Variants in ZRANB3 observed in about 807,000 individuals in gnomAD.
ZRANB3 encodes the protein zinc finger RANBP2-type containing 3.
Under a neutral mutation model 133.8 loss-of-function variants are expected in ZRANB3, and 125 were observed. The ratio of observed to expected loss-of-function variants is 0.93; its 90% CI spans 0.81 to 1.08. The LOEUF is 1.08. ZRANB3 is among the 50% of genes least tolerant of loss of function. ZRANB3 has a pLI of 0.00. For missense variants in ZRANB3, 1,229 were observed against 1,275.5 expected (o/e 0.96, Z 0.56); for synonymous variants, 387 against 432.7 (o/e 0.89, Z 1.31).
chr2:135,381,718 G>A (rs1453363321), intron 3 of ZRANB3, among the ~76,000 whole-genome samples: 2 of 152,154 alleles, frequency 1.3e-5, no homozygotes, highest in African/African-American at 4.8e-5. Flanking sequence ...CTCCGCTGGT[G>A]ATACCCAGGA....
chr2:135,498,638 C>T (rs957619677), intron 2 of ZRANB3, among the ~76,000 whole-genome samples: 4 of 152,172 alleles, frequency 2.6e-5, no homozygotes, highest in African/African-American at 7.2e-5. Flanking sequence ...AGAGCCGGGG[C>T]CATATCTCTC....
intron 2 of ZRANB3, among the ~76,000 whole-genome samples, chr2:135,418,921 C>CTT (rs1219030798): frequency 8.3e-6 from 1 of 120,930 alleles, no homozygotes; most frequent in Non-Finnish European, 1.6e-5. Flanking sequence ...AATAAGGATT[C>CTT]TCTCTTTTTT....
At chr2:135,426,080 G>A (rs756042012) in intron 2 of ZRANB3, among the ~76,000 whole-genome samples, 4 of 151,922 alleles carry the variant, frequency 2.6e-5, no homozygotes, top group Admixed American at 6.6e-5. Context: ...ACTAGAAAAC[G>A]TAGAAGAAAT....
chr2:135,261,590 A>C (rs1477141311), intron 12 of ZRANB3, among the ~76,000 whole-genome samples: 1 of 152,222 alleles, frequency 6.6e-6, no homozygotes, highest in Admixed American at 6.5e-5. Context: ...TAACTCAAGA[A>C]AGTAAAATTT....
At chr2:135,478,315 C>CAAA (rs1691591642) in intron 2 of ZRANB3, among the ~76,000 whole-genome samples, 1 of 151,812 alleles carries the variant, frequency 6.6e-6, no homozygotes, top group African/African-American at 2.4e-5. Flanking sequence ...TAAGAAAATT[C>CAAA]AAAAATTTTC....
At chr2:135,302,898 G>A (rs182949386) in intron 8 of ZRANB3, among the ~76,000 whole-genome samples, 117 of 152,160 alleles carry the variant, frequency 7.7e-4, no homozygotes, top group Admixed American at 6.2e-3. Flanking sequence ...CCTTAAGCAA[G>A]CATTCTGTAT....
At chr2:135,329,043 T>C (rs1683995606) in intron 6 of ZRANB3, among the ~76,000 whole-genome samples, 1 of 152,372 alleles carries the variant, frequency 6.6e-6, no homozygotes, top group South Asian at 2.1e-4. Context: ...TCTTTTGCAG[T>C]GCAGAAGCCC....
chr2:135,301,184 TA>T lies in ZRANB3; in HGVS notation c.966+12304del, dbSNP rs1232379709. Among the ~76,000 whole-genome samples the T allele has an allele frequency of 2.6e-4, 39 of 151,550 alleles. 1 individual carries two copies. Among genetic ancestry groups the T allele is most frequent in the Admixed American group, 6.6e-4 (10 of 15,208 alleles). Reference sequence around the variant, plus strand: ...TGCCACCATGCCCAATTAATATGTTTATTTTTTTTTTTTTTTTTGAGACAGA... The same window carrying T: ...TGCCACCATGCCCAATTAATATGTTTTTTTTTTTTTTTTTTTTGAGACAGA... On this transcript the variant is annotated intron_variant, in intron 8 of 20. Transcript: ENST00000264159.
chr2:135,382,675 G>A (rs1311125554), intron 3 of ZRANB3, among the ~76,000 whole-genome samples: 1 of 152,016 alleles, frequency 6.6e-6, no homozygotes, highest in Admixed American at 6.5e-5. Flanking sequence ...AAGAGACTGG[G>A]GGCCAATATT....
At chr2:135,296,531 T>C (rs1682115318) in intron 8 of ZRANB3, among the ~76,000 whole-genome samples, 1 of 152,148 alleles carries the variant, frequency 6.6e-6, no homozygotes, top group Admixed American at 6.5e-5. Flanking sequence ...TCGAACTTCC[T>C]CCTTTAGCTC....
intron 1 of ZRANB3, chr2:135,510,749 T>C: frequency 1.2e-6 from 1 of 802,698 alleles, no homozygotes; most frequent in Non-Finnish European, 2.3e-6. Flanking sequence ...CTGAACATGA[T>C]GGGCCTGTTG....
chr2:135,373,732 G>A (rs1422893119), intron 3 of ZRANB3, among the ~76,000 whole-genome samples: 1 of 137,918 alleles, frequency 7.3e-6, no homozygotes, highest in Non-Finnish European at 1.5e-5. Flanking sequence ...AGGTTGCAGT[G>A]AACCGAGACT....
chr2:135,320,768 T>C (rs536548830), intron 6 of ZRANB3, among the ~76,000 whole-genome samples: 7 of 152,196 alleles, frequency 4.6e-5, no homozygotes, highest in Non-Finnish European at 1.0e-4. Context: ...TTTTTTAAAG[T>C]TAGGTTCTCT....
chr2:135,367,516 G>C (rs1378540737), intron 3 of ZRANB3, among the ~76,000 whole-genome samples: 1 of 152,156 alleles, frequency 6.6e-6, no homozygotes, highest in Non-Finnish European at 1.5e-5. Context: ...GTGTTTGAGA[G>C]TGCGTACATG....
intron 12 of ZRANB3, among the ~76,000 whole-genome samples, chr2:135,232,763 GA>G (rs953318289): frequency 5.3e-5 from 8 of 152,170 alleles, no homozygotes; most frequent in African/African-American, 1.9e-4. Context: ...CTAACAAACA[GA>G]AAGGACATCC....
At chr2:135,286,379 G>A (rs1308139828) in intron 8 of ZRANB3, among the ~76,000 whole-genome samples, 1 of 152,120 alleles carries the variant, frequency 6.6e-6, no homozygotes, top group African/African-American at 2.4e-5. Context: ...CCAGGTTCAC[G>A]CAATTCTCCT....
chr2:135,406,271 GGAA>G (rs1688021679), intron 2 of ZRANB3, among the ~76,000 whole-genome samples: 1 of 152,254 alleles, frequency 6.6e-6, no homozygotes, highest in Admixed American at 6.5e-5. Flanking sequence ...GACTAAACCA[GGAA>G]GAAGTTGAAT....
At chr2:135,485,827 G>A (rs1259550813) in intron 2 of ZRANB3, among the ~76,000 whole-genome samples, 2 of 152,162 alleles carry the variant, frequency 1.3e-5, no homozygotes, top group Admixed American at 1.3e-4. Context: ...CTAAAAAAGG[G>A]TAATGAACAT....
At chr2:135,341,824 C>A (rs908722498) in intron 6 of ZRANB3, among the ~76,000 whole-genome samples, 1 of 150,048 alleles carries the variant, frequency 6.7e-6, no homozygotes, top group Middle Eastern at 3.4e-3. Flanking sequence ...TCCTGCAGCG[C>A]CCCCAGGCTT....
Sources: allele counts gnomAD v4.1 joint callset (sites outside exome capture counted in the v4.1 genomes callset), GRCh38; gene constraint gnomAD v4.1.1; transcripts MANE v1.5; gene names NCBI Gene and HGNC (gene_info 2026-07-23, HGNC 2026-07-21).